RYR2: variants seen among roughly 807,000 people sequenced by gnomAD.
RYR2 encodes cardiac muscle ryanodine receptor-calcium release channel.
RYR2 carries 227 observed loss-of-function variants against 601.1 expected under a neutral mutation model. The observed-to-expected ratio is 0.38, with a 90% CI of 0.34 to 0.42. The LOEUF is 0.42. Among genes scored for constraint, RYR2 ranks in the 10% least tolerant of loss-of-function variants. The pLI, the probability that RYR2 is intolerant of heterozygous loss-of-function variation, is 1.00. For missense variants in RYR2, 4,646 were observed against 6,156.5 expected, an observed-to-expected ratio of 0.75 and a Z score of 8.21; for synonymous variants, 2,223 against 2,175.1, an observed-to-expected ratio of 1.02 and a Z score of -0.61.
chr1:237,270,734 T>A, intron 2 of RYR2, 118 bp downstream of exon 2: 1 of 1,137,874 alleles, frequency 8.8e-7, no homozygotes, highest in Non-Finnish European at 1.2e-6. Context: ...GAAAGGGATA[T>A]AACAATGTTT....
intron 64 of RYR2, among the ~76,000 whole-genome samples, chr1:237,699,313 C>G (rs1223335965): frequency 1.3e-5 from 2 of 152,146 alleles, no homozygotes; most frequent in Non-Finnish European, 2.9e-5. Context: ...TCTGACAACT[C>G]TAGAGATCTT....
chr1:237,227,633 C>G (rs939580122), intron 1 of RYR2, among the ~76,000 whole-genome samples: 5 of 152,102 alleles, frequency 3.3e-5, no homozygotes, highest in African/African-American at 1.2e-4. Context: ...CCTCTCAGCC[C>G]AAAGCTGTGC....
chr1:237,563,608 G>A (rs1250822081), intron 27 of RYR2, among the ~76,000 whole-genome samples: 1 of 151,986 alleles, frequency 6.6e-6, no homozygotes, highest in East Asian at 1.9e-4. Flanking sequence ...TTAGGACTCA[G>A]AAACTCTGCA....
chr1:237,580,414 C>T (rs555897586), intron 29 of RYR2, among the ~76,000 whole-genome samples: 1 of 151,558 alleles, frequency 6.6e-6, no homozygotes, highest in Non-Finnish European at 1.5e-5. Flanking sequence ...GCCTCAGCCT[C>T]CAAAGGTGTT....
intron 10 of RYR2, 144 bp from the exon 11 acceptor site, chr1:237,416,905 C>T (rs1051601878): frequency 1.5e-6 from 1 of 685,596 alleles, no homozygotes; most frequent in East Asian, 2.7e-5. Context: ...TCCAGCTATA[C>T]TGTCTCCTGC....
chr1:237,537,506 G>A (rs1237425248), intron 25 of RYR2, among the ~76,000 whole-genome samples: 1 of 152,122 alleles, frequency 6.6e-6, no homozygotes, highest in Non-Finnish European at 1.5e-5. Flanking sequence ...GTAGAGACGG[G>A]ATTTCACCAT....
intron 1 of RYR2, among the ~76,000 whole-genome samples, chr1:237,221,044 C>T (rs893956255): frequency 3.3e-5 from 5 of 151,970 alleles, no homozygotes; most frequent in South Asian, 4.2e-4. Context: ...TGCAGTGAGC[C>T]GAGATCGCGC....
chr1:237,569,564 G>A (rs1293255110), intron 29 of RYR2, among the ~76,000 whole-genome samples: 1 of 152,092 alleles, frequency 6.6e-6, no homozygotes, highest in East Asian at 1.9e-4. Flanking sequence ...GTATGAATAA[G>A]AAAATAAATA....
chr1:237,454,422 G>T lies in RYR2; in HGVS notation c.1324G>T (p.Ala442Ser), dbSNP rs747344666. 10 of 1,612,124 alleles carry T rather than the reference G, an allele frequency of 6.2e-6. No homozygotes were observed. The African/African-American group carries it at 6.7e-5, about 11-fold the overall frequency. The change falls in exon 15 of 105, where the codon GCT (alanine) becomes TCT (serine). Residue 442 changes from alanine (A) to serine (S), a missense_variant. By Grantham distance (99) the Ala-to-Ser change is moderately conservative. Around this residue, in one of 17 missense-constraint regions of RYR2, gnomAD observed 1,807 missense variants for 2,088.1 expected, o/e 0.87. Transcript: ENST00000366574. Reference protein sequence around the residue: ...GLDALSKKAKASTVDLPIESV... With the variant: ...GLDALSKKAKSSTVDLPIESV... Reference sequence around the variant, plus strand: ...TGATGCTCTCAGCAAGAAAGCGAAGGCTTCCACAGTCGATTTGCCTATAGA... The same window carrying T: ...TGATGCTCTCAGCAAGAAAGCGAAGTCTTCCACAGTCGATTTGCCTATAGA...
chr1:237,089,112 A>G (rs966286270), intron 1 of RYR2, among the ~76,000 whole-genome samples: 5 of 152,126 alleles, frequency 3.3e-5, no homozygotes, highest in African/African-American at 9.7e-5. Context: ...CCTTTTAAAA[A>G]CCTCAGACCT....
chr1:237,495,040 T>C lies in RYR2; in HGVS notation c.1962-1471T>C, dbSNP rs184353756. Among the ~76,000 whole-genome samples the C allele has an allele frequency of 4.6e-5, 7 of 152,168 alleles. No individual in the cohort carries two copies. In the South Asian group the frequency reaches 6.2e-4, roughly 14 times the overall value. ...TCCTGACCTTGTGATCCGCCCGCCT[T>C]AGCCTCCCAAAGTGCTGGGATTACA... On this transcript the variant is annotated intron_variant, in intron 19 of 104. Transcript: ENST00000366574.
chr1:237,103,216 A>G (rs1454935867), intron 1 of RYR2, among the ~76,000 whole-genome samples: 1 of 152,180 alleles, frequency 6.6e-6, no homozygotes, highest in Non-Finnish European at 1.5e-5. Context: ...TGCTAAGTGG[A>G]CATTATTTTA....
At chr1:237,114,141 A>AT (rs779854607) in intron 1 of RYR2, among the ~76,000 whole-genome samples, 1 of 152,122 alleles carries the variant, frequency 6.6e-6, no homozygotes, top group East Asian at 1.9e-4. Flanking sequence ...TATGGAAGTG[A>AT]TTTTTTCTGG....
At chr1:237,730,432 T>A in intron 77 of RYR2, 76 bp downstream of exon 77, 1 of 764,674 alleles carries the variant, frequency 1.3e-6, no homozygotes, top group Non-Finnish European at 2.2e-6. Context: ...GCAGTCATTA[T>A]ATAACATTGA....
At chr1:237,763,807 T>C (rs1693623239) in intron 84 of RYR2, among the ~76,000 whole-genome samples, 1 of 152,246 alleles carries the variant, frequency 6.6e-6, no homozygotes, top group Non-Finnish European at 1.5e-5. Flanking sequence ...TAAGAATTCC[T>C]ATACAGACAC....
intron 2 of RYR2, 94 bp downstream of exon 2, chr1:237,270,710 C>T (rs1050946648): frequency 5.6e-5 from 75 of 1,336,008 alleles, no homozygotes; most frequent in Non-Finnish European, 7.0e-5. Flanking sequence ...CTGTGGAATA[C>T]ATACTATATA....
chr1:237,089,773 G>A (rs1666754476), intron 1 of RYR2, among the ~76,000 whole-genome samples: 1 of 152,214 alleles, frequency 6.6e-6, no homozygotes, highest in African/African-American at 2.4e-5. Context: ...ACTTCAGTTG[G>A]TGGGAGTATA....
chr1:237,506,398 C>T (rs1429032316), intron 22 of RYR2, among the ~76,000 whole-genome samples: 1 of 151,902 alleles, frequency 6.6e-6, no homozygotes, highest in Non-Finnish European at 1.5e-5. Context: ...ATTAGCCGGG[C>T]GTAGTGGTGG....
chr1:237,436,025 C>T (rs1707316021), intron 12 of RYR2, among the ~76,000 whole-genome samples: 2 of 152,090 alleles, frequency 1.3e-5, no homozygotes, highest in African/African-American at 4.8e-5. Context: ...GAACCAAGAG[C>T]AGGGTAGAGT....
Sources: gnomAD v4.1 joint callset for allele counts (sites outside exome capture counted in the v4.1 genomes callset) on GRCh38, gnomAD v4.1.1 for gene constraint, gnomAD v4.1.1 regional missense constraint, MANE v1.5 for transcripts, NCBI Gene and HGNC (gene_info 2026-07-23, HGNC 2026-07-21) for gene names.